MMP21: variants seen among roughly 807,000 people sequenced by gnomAD.
The protein encoded by MMP21 is matrix metallopeptidase 21, also known as matrix metalloproteinase-21.
A neutral mutation model predicts 47.8 loss-of-function variants in MMP21; 40 were observed. That is an observed-to-expected ratio of 0.84 (90% confidence interval 0.65 to 1.09). The LOEUF is 1.09. Ranked by LOEUF, MMP21 falls within the 50% of genes least tolerant of loss-of-function variation. The pLI is 0.00. For missense variants in MMP21, 747 were observed against 775.3 expected, an observed-to-expected ratio of 0.96 and a Z score of 0.43; for synonymous variants, 341 against 318.0, an observed-to-expected ratio of 1.07 and a Z score of -0.77.
At chr10:125,775,590 C>T (rs1053182083) in intron 1 of MMP21, 70 bp downstream of exon 1, 3 of 1,493,270 alleles carry the variant, frequency 2.0e-6, no homozygotes, top group Non-Finnish European at 2.7e-6. Flanking sequence ...TGCCTGTGCG[C>T]GCGTGCGCAT....
chr10:125,767,345 T>A (rs935966572), intron 6 of MMP21, among the ~76,000 whole-genome samples, 187 bp downstream of exon 6: 4 of 152,212 alleles, frequency 2.6e-5, no homozygotes, highest in African/African-American at 9.6e-5. Flanking sequence ...TTTCACCATG[T>A]TGCCCAGACT....
At chr10:125,771,928 G>T (rs1013495265) in intron 4 of MMP21, among the ~76,000 whole-genome samples, 2 of 151,936 alleles carry the variant, frequency 1.3e-5, no homozygotes, top group African/African-American at 4.9e-5. Flanking sequence ...CCACAGCACG[G>T]GTTGGGGGCC....
At position 125,773,867 on chromosome 10, in the gene MMP21, C is replaced by A; in HGVS notation, c.661G>T (p.Gly221Trp). The A allele has an allele frequency of 6.4e-7, 1 of 1,569,694 alleles. No individual in the cohort carries two copies. ...LDFREDLAAP[G>W]AAVDIKLGFG... ...CCCAGCTTGATGTCGACCGCGGCCC[C>A]GGGGGCGGCCAGGTCCTCGCGGAAG... is the stretch of plus-strand genomic sequence containing the variant. Residue 221 changes from glycine to tryptophan, a missense_variant, in exon 2 of 7, where the codon GGG (glycine) becomes TGG (tryptophan). Physicochemically the swap from Gly to Trp is radical, Grantham distance 184. Transcript: ENST00000368808. This position sits in a 1 kb window ranked among gnomAD's most constrained non-coding sequence, Gnocchi z 4.8.
In MMP21 at chr10:125,766,975, A is replaced by G; in HGVS notation, c.1411-14T>C. 1.9e-6 allele frequency: 3 copies of G among 1,544,942 alleles called. No homozygotes were observed. The highest frequency in any genetic ancestry group is 2.6e-6 in the Non-Finnish European group (3 of 1,151,500). On this transcript the variant is annotated splice_polypyrimidine_tract_variant and intron_variant, in intron 6 of 6. Transcript: ENST00000368808. Reference sequence around the variant, plus strand: ...AAATGCAAATACCTGCAAAGCAAATAAGATAGACTGGCTCTTCTGAAAATT... The same window carrying G: ...AAATGCAAATACCTGCAAAGCAAATGAGATAGACTGGCTCTTCTGAAAATT...
At position 125,774,028 on chromosome 10, in the gene MMP21, G is replaced by A. The variant is rs1011541537; in HGVS notation, c.500C>T (p.Ala167Val). ...CGTCCTCTTGGAGAAGGCCTGGGCAGCTCCGCCGTCGGGGTAGCCCCGGGG... is the reference window on the plus strand; with the variant it reads ...CGTCCTCTTGGAGAAGGCCTGGGCAACTCCGCCGTCGGGGTAGCCCCGGGG... Reference protein sequence around the residue: ...WQPRGYPDGGAAQAFSKRTLS... With the variant: ...WQPRGYPDGGVAQAFSKRTLS... The change falls in exon 2 of 7, where the codon GCT (alanine) becomes GTT (valine). Residue 167 changes from alanine (A) to valine (V), a missense_variant. Ala to Val is a moderately conservative substitution (Grantham distance 64). Transcript: ENST00000368808. The A allele has an allele frequency of 6.6e-7, 1 of 1,506,422 alleles. No individual in the cohort carries two copies. 93.3% of individuals were successfully genotyped at this position (1,506,422 alleles called of 1,614,324 possible). A position where few individuals can be genotyped will look rare whatever the true frequency, so the allele number is the denominator to read the frequency against.
In MMP21 at chr10:125,773,386, C is replaced by T. The variant is rs1174140264; in HGVS notation, c.697+445G>A. Among the ~76,000 whole-genome samples the T allele has an allele frequency of 2.0e-5, 3 of 152,056 alleles. No individual in the cohort carries two copies. Among genetic ancestry groups the T allele is most frequent in the African/African-American group, 7.2e-5 (3 of 41,400 alleles). ...CCCAATTTCAGGTGGCAGTGATCCT[C>T]TTCTGCTTGGTCTGCCCCTTAAAAA... On this transcript the variant is annotated intron_variant, in intron 2 of 6. Coordinates refer to ENST00000368808, the MANE Select transcript of MMP21 (RefSeq NM_147191.1). The surrounding 1 kb of genome is among the most constrained non-coding windows in gnomAD (Gnocchi z 4.8).
Position 125,770,548 on chromosome 10 carries a change from G to A in MMP21, c.1023C>T (p.Arg341=). ...GSFDTAFDWI[R]KERNQYGEVM... is the part of the protein sequence containing the mutation. ...CCTCTCCATATTGGTTTCTCTCTTTGCGAATCCAGTCAAACGCAGTATCAA... is the reference window on the plus strand; with the variant it reads ...CCTCTCCATATTGGTTTCTCTCTTTACGAATCCAGTCAAACGCAGTATCAA... The change falls in exon 5 of 7, where the codon CGC becomes CGT. Residue 341 remains arginine (R), a synonymous_variant. Transcript: ENST00000368808. 6.2e-7 allele frequency: 1 copy of A among 1,614,094 alleles called. No homozygotes were observed. Among genetic ancestry groups the A allele is most frequent in the Middle Eastern group, 1.6e-4 (1 of 6,062 alleles).
chr10:125,771,909 G>A (rs991494083), intron 4 of MMP21, among the ~76,000 whole-genome samples: 2 of 152,148 alleles, frequency 1.3e-5, no homozygotes, highest in Admixed American at 6.5e-5. Context: ...GTGCGTCTCT[G>A]GTGGGATGCC....
rs1024579569 is a variant in MMP21, at chr10:125,766,535, G to T, written c.*127C>A. ...CAAGTATTTTAAAAGTTCAACTAAGGCTTTTCCCATTGGGTTTTAACTTAC... is the reference window on the plus strand; with the variant it reads ...CAAGTATTTTAAAAGTTCAACTAAGTCTTTTCCCATTGGGTTTTAACTTAC... On this transcript the variant is annotated 3_prime_UTR_variant, in exon 7 of 7. Coordinates refer to ENST00000368808, the MANE Select transcript of MMP21 (RefSeq NM_147191.1). The T allele has an allele frequency of 1.5e-6, 1 of 676,692 alleles. No individual in the cohort carries two copies. The highest frequency in any genetic ancestry group is 2.5e-5 in the South Asian group (1 of 39,800). 41.9% of individuals were successfully genotyped at this position (676,692 alleles called of 1,614,324 possible).
chr10:125,772,820 G>C lies in MMP21; in HGVS notation c.698-70C>G. The C allele has an allele frequency of 6.4e-7, 1 of 1,565,098 alleles. No individual in the cohort carries two copies. Among genetic ancestry groups the C allele is most frequent in the Non-Finnish European group, 8.7e-7 (1 of 1,152,708 alleles). On this transcript the variant is annotated intron_variant, in intron 2 of 6. Coordinates refer to ENST00000368808, the MANE Select transcript of MMP21 (RefSeq NM_147191.1). The surrounding 1 kb of genome is among the most constrained non-coding windows in gnomAD (Gnocchi z 5.6). The stretch of plus-strand genomic sequence containing the variant: ...CCCCCATACAGACTCCTCACCTAGG[G>C]GGTCCCCAGCCTCCAGGAGCCGGCA...
At position 125,767,711 on chromosome 10, in the gene MMP21, G is replaced by A. The variant is rs1850401608; in HGVS notation, c.1238-7C>T. The A allele has an allele frequency of 6.2e-7, 1 of 1,613,412 alleles. No individual in the cohort carries two copies. The highest frequency in any genetic ancestry group is 1.1e-5 in the South Asian group (1 of 91,042). On this transcript the variant is annotated splice_region_variant and splice_polypyrimidine_tract_variant and intron_variant, in intron 5 of 6. Transcript: ENST00000368808. ...TATCTCCAGTATTGATTTCCTGAGA[G>A]CCAAACAAAATACGTTCATGTGGTT...
chr10:125,773,932 G>A lies in MMP21; in HGVS notation c.596C>T (p.Ala199Val). 1 of 1,584,304 alleles carries A rather than the reference G, an allele frequency of 6.3e-7. No homozygotes were observed. The highest frequency in any genetic ancestry group is 8.5e-7 in the Non-Finnish European group (1 of 1,172,630). Residue 199 changes from alanine (A) to valine (V), a missense_variant, in exon 2 of 7, where the codon GCG (alanine) becomes GTG (valine). Transcript: ENST00000368808. The surrounding 1 kb of genome is among the most constrained non-coding windows in gnomAD (Gnocchi z 4.8). ...CTCGCTCCACATCCTGAAGGCCAGC[G>A]CCACAATGCGCCGCTGGTCGGCCAC... The part of the protein sequence containing the change: ...LSVADQRRIV[A>V]LAFRMWSEVT...
rs1362826049 is a variant in MMP21 at position 125,774,019 on chromosome 10, G to C, written c.509C>G (p.Ala170Gly). The C allele has an allele frequency of 1.2e-5, 18 of 1,524,442 alleles. No individual in the cohort carries two copies. The highest frequency in any genetic ancestry group is 1.6e-5 in the Non-Finnish European group (18 of 1,143,106). 94.4% of individuals were successfully genotyped at this position (1,524,442 alleles called of 1,614,324 possible). A position where few individuals can be genotyped will look rare whatever the true frequency, so the allele number is the denominator to read the frequency against. The change falls in exon 2 of 7, where the codon GCC (alanine) becomes GGC (glycine). Residue 170 changes from alanine (A) to glycine (G), a missense_variant. By Grantham distance (60) the Ala-to-Gly change is moderately conservative (BLOSUM62 0). Transcript: ENST00000368808. The stretch of plus-strand genomic sequence containing the variant: ...CCAGCTCAGCGTCCTCTTGGAGAAG[G>C]CCTGGGCAGCTCCGCCGTCGGGGTA... The part of the protein sequence containing the change: ...RGYPDGGAAQ[A>G]FSKRTLSWRL...
Position 125,770,385 on chromosome 10 carries a change from C to T in MMP21, c.1186G>A (p.Ala396Thr), listed in dbSNP as rs746938693. 5.0e-6 allele frequency: 8 copies of T among 1,613,902 alleles called. No homozygotes were observed. In the East Asian group the frequency reaches 1.8e-4, roughly 36 times the overall value. The change falls in exon 5 of 7, where the codon GCC becomes ACC. Residue 396 changes from alanine to threonine, a missense_variant. Physicochemically the swap from Ala to Thr is moderately conservative, Grantham distance 58 (BLOSUM62 0). Transcript: ENST00000368808. ...WPGIPTHNIDAFVHIWTWKRD... is the reference protein window; with the variant it reads ...WPGIPTHNIDTFVHIWTWKRD... ...TTCCATGTCCAGATGTGAACAAAGG[C>T]ATCTATGTTGTGTGTTGGGATTCCA...
rs1286052855 is a variant in MMP21 at position 125,774,034 on chromosome 10, C to A, written c.494G>T (p.Gly165Val). The A allele has an allele frequency of 1.3e-6, 2 of 1,495,770 alleles. No individual in the cohort carries two copies. The highest frequency in any genetic ancestry group is 2.2e-5 in the Admixed American group (1 of 46,446). 92.7% of individuals were successfully genotyped at this position (1,495,770 alleles called of 1,614,324 possible). A position where few individuals can be genotyped will look rare whatever the true frequency, so the allele number is the denominator to read the frequency against. The change falls in exon 2 of 7, where the codon GGC becomes GTC. Residue 165 changes from glycine to valine, a missense_variant. Physicochemically the swap from Gly to Val is moderately radical, Grantham distance 109 (BLOSUM62 -3). Transcript: ENST00000368808. The stretch of plus-strand genomic sequence containing the variant: ...CTTGGAGAAGGCCTGGGCAGCTCCG[C>A]CGTCGGGGTAGCCCCGGGGCTGCCA... ...RGWQPRGYPD[G>V]GAAQAFSKRT...
intron 1 of MMP21, 69 bp from the exon 2 acceptor site, chr10:125,774,434 A>C (rs758158522): frequency 8.9e-7 from 1 of 1,125,652 alleles, no homozygotes; most frequent in Non-Finnish European, 1.1e-6. Context: ...CCCTGCCCCA[A>C]AGTCTAGAGA....
intron 5 of MMP21, 44 bp downstream of exon 5, chr10:125,770,290 T>C: frequency 6.2e-7 from 1 of 1,601,494 alleles, no homozygotes; most frequent in Non-Finnish European, 8.5e-7. Flanking sequence ...TCTGAGTGCA[T>C]TCGTTTAATG....
Position 125,772,665 on chromosome 10 carries a change from G to A in MMP21, c.783C>T (p.Asp261=), listed in dbSNP as rs41306007. The A allele has an allele frequency of 3.5e-5, 57 of 1,614,070 alleles. No homozygotes were observed. Among genetic ancestry groups the A allele is most frequent in the Admixed American group, 8.3e-5 (5 of 60,008 alleles). ...TGGGAGGTGTGAAGTGCTCGTCGTC[G>A]TCAAAGTGAATGTCACCTAGGCGCC... is the stretch of plus-strand genomic sequence containing the variant. ...HAWRLGDIHF[D]DDEHFTPPTS... Residue 261 remains aspartate, a synonymous_variant, in exon 3 of 7, where the codon GAC becomes GAT. Coordinates refer to ENST00000368808, the MANE Select transcript of MMP21 (RefSeq NM_147191.1). The surrounding 1 kb of genome is among the most constrained non-coding windows in gnomAD (Gnocchi z 5.6).
In MMP21 at chr10:125,772,853, T is replaced by C. The variant is rs1471223705; in HGVS notation, c.698-103A>G. ...AGCCTCCAGGAGCCGGCAGCAGAGGTAGACAGAGTGGCAGCTCCTGGATTA... is the reference window on the plus strand; with the variant it reads ...AGCCTCCAGGAGCCGGCAGCAGAGGCAGACAGAGTGGCAGCTCCTGGATTA... On this transcript the variant is annotated intron_variant, in intron 2 of 6. Transcript: ENST00000368808. The surrounding 1 kb of genome is among the most constrained non-coding windows in gnomAD (Gnocchi z 5.6). The C allele has an allele frequency of 7.6e-7, 1 of 1,320,536 alleles. No homozygotes were observed. The highest frequency in any genetic ancestry group is 1.0e-6 in the Non-Finnish European group (1 of 957,638). 81.8% of individuals were successfully genotyped at this position (1,320,536 alleles called of 1,614,324 possible).
Sources: allele counts gnomAD v4.1 joint callset (sites outside exome capture counted in the v4.1 genomes callset), GRCh38; gene constraint gnomAD v4.1.1; non-coding constraint Gnocchi (gnomAD v3.1); transcripts MANE v1.5; gene names NCBI Gene and HGNC (gene_info 2026-07-23, HGNC 2026-07-21).